ATXN1: variants seen among roughly 807,000 people sequenced by gnomAD.
ATXN1 encodes ataxin 1, also known as ataxin-1.
A neutral mutation model predicts 56.4 loss-of-function variants in ATXN1; 8 were observed. That is an observed-to-expected ratio of 0.14 (90% confidence interval 0.08 to 0.26). The LOEUF (loss-of-function observed/expected upper bound fraction) is 0.26. Among genes scored for constraint, ATXN1 ranks in the 10% least tolerant of loss-of-function variants. The probability of loss-of-function intolerance (pLI) is 1.00; values close to 1 mark genes in which losing one functional copy is unlikely to be tolerated. For synonymous variants in ATXN1, 514 were observed against 494.6 expected, an observed-to-expected ratio of 1.04 and a Z score of -0.52; for missense variants, 987 against 1,106.5, an observed-to-expected ratio of 0.89 and a Z score of 1.53.
chr6:16,663,026 G>T (rs1281185396), intron 2 of ATXN1, among the ~76,000 whole-genome samples: 1 of 138,800 alleles, frequency 7.2e-6, no homozygotes, highest in East Asian at 2.2e-4. Flanking sequence ...AGGCTGTAGT[G>T]CAATGGTGCA....
intron 6 of ATXN1, among the ~76,000 whole-genome samples, chr6:16,426,410 T>C (rs1456882299): frequency 1.3e-5 from 2 of 152,038 alleles, no homozygotes; most frequent in Admixed American, 6.6e-5. Context: ...AAGGAAAATG[T>C]TGATTGGACC....
chr6:16,337,670 T>C (rs1008602006), intron 6 of ATXN1, among the ~76,000 whole-genome samples: 6 of 152,232 alleles, frequency 3.9e-5, no homozygotes, highest in African/African-American at 1.2e-4. Flanking sequence ...TAAAGCGTAG[T>C]GCATTCCAGG....
chr6:16,580,655 A>G (rs1440044210), intron 4 of ATXN1, among the ~76,000 whole-genome samples: 2 of 152,256 alleles, frequency 1.3e-5, no homozygotes, highest in Non-Finnish European at 2.9e-5. Context: ...ACCAGAAATC[A>G]TATTATTTAT....
At chr6:16,567,361 A>ATGT (rs1762248587) in intron 4 of ATXN1, among the ~76,000 whole-genome samples, 1 of 152,224 alleles carries the variant, frequency 6.6e-6, no homozygotes, top group African/African-American at 2.4e-5. Flanking sequence ...GGGAAAGACC[A>ATGT]TTAAACATGA....
intron 3 of ATXN1, among the ~76,000 whole-genome samples, chr6:16,630,201 A>T (rs1295449170): frequency 6.6e-6 from 1 of 152,058 alleles, no homozygotes; most frequent in Non-Finnish European, 1.5e-5. Flanking sequence ...TCACTGATTC[A>T]CCCAACATTC....
At chr6:16,474,866 T>A (rs1044229607) in intron 6 of ATXN1, among the ~76,000 whole-genome samples, 26 of 148,238 alleles carry the variant, frequency 1.8e-4, no homozygotes, top group Non-Finnish European at 2.4e-4. Flanking sequence ...ACACACACAC[T>A]CTCTCTCTCT....
At chr6:16,332,899 T>C (rs1761024077) in intron 6 of ATXN1, among the ~76,000 whole-genome samples, 1 of 152,218 alleles carries the variant, frequency 6.6e-6, no homozygotes, top group Non-Finnish European at 1.5e-5. Flanking sequence ...AAATGCAGAC[T>C]CTCAGGCCCC....
rs565491872 is a variant in ATXN1 at position 16,504,820 on chromosome 6, C to T, written c.-299+17807G>A. On this transcript the variant is annotated intron_variant, in intron 5 of 7. Coordinates refer to ENST00000436367, the MANE Select transcript of ATXN1 (RefSeq NM_001128164.2). ...TAAACCAGTGTTAAGCTGTTCCTGA[C>T]GTGCTTCCTGCACCAACATTCAACC... 3.9e-5 allele frequency among the ~76,000 whole-genome samples: 6 copies of T among 152,268 alleles called. No individual in the cohort carries two copies. In the East Asian group the frequency reaches 7.7e-4, roughly 20 times the overall value.
chr6:16,599,904 A>G (rs1275859409), intron 3 of ATXN1, among the ~76,000 whole-genome samples: 2 of 152,198 alleles, frequency 1.3e-5, no homozygotes, highest in Non-Finnish European at 2.9e-5. Flanking sequence ...TTGGAGGATC[A>G]CTAAATCTAA....
At chr6:16,512,801 G>C (rs1171566066) in intron 5 of ATXN1, among the ~76,000 whole-genome samples, 1 of 152,162 alleles carries the variant, frequency 6.6e-6, no homozygotes, top group African/African-American at 2.4e-5. Context: ...CTTTAAAAGA[G>C]AGACAGGAGA....
At chr6:16,388,524 A>C (rs1306716902) in intron 6 of ATXN1, among the ~76,000 whole-genome samples, 2 of 152,228 alleles carry the variant, frequency 1.3e-5, no homozygotes, top group African/African-American at 4.8e-5. Flanking sequence ...CTGCTACGTC[A>C]AATAAAGTGT....
chr6:16,478,933 C>A (rs1760381248), intron 6 of ATXN1, among the ~76,000 whole-genome samples: 1 of 152,144 alleles, frequency 6.6e-6, no homozygotes, highest in African/African-American at 2.4e-5. Flanking sequence ...GGTCCAGCAG[C>A]GAATTCTGAC....
intron 4 of ATXN1, among the ~76,000 whole-genome samples, chr6:16,535,575 A>G (rs142345723): frequency 6.6e-6 from 1 of 152,352 alleles, no homozygotes; most frequent in East Asian, 1.9e-4. Flanking sequence ...TGATATAAAT[A>G]AATTTTAAAA....
chr6:16,325,988 C>G (rs1240494221), intron 7 of ATXN1, among the ~76,000 whole-genome samples: 1 of 152,238 alleles, frequency 6.6e-6, no homozygotes, highest in Non-Finnish European at 1.5e-5. Context: ...GCTTTAGCAT[C>G]TAATCCCCTC....
At chr6:16,589,164 G>A (rs1376386819) in intron 3 of ATXN1, among the ~76,000 whole-genome samples, 1 of 152,038 alleles carries the variant, frequency 6.6e-6, no homozygotes, top group African/African-American at 2.4e-5. Flanking sequence ...CACCTTCTGG[G>A]AAGTGGGGGC....
chr6:16,536,361 G>A (rs924594535), intron 4 of ATXN1, among the ~76,000 whole-genome samples: 1 of 152,204 alleles, frequency 6.6e-6, no homozygotes, highest in African/African-American at 2.4e-5. Flanking sequence ...TGGACTGCAG[G>A]ATGGACAGAT....
At chr6:16,647,179 A>AT (rs1561792487) in intron 3 of ATXN1, among the ~76,000 whole-genome samples, 2 of 151,984 alleles carry the variant, frequency 1.3e-5, no homozygotes, top group Non-Finnish European at 2.9e-5. Flanking sequence ...TAATTTTTAT[A>AT]TTTTTAGTAG....
chr6:16,671,942 T>C (rs7758530), intron 2 of ATXN1, among the ~76,000 whole-genome samples: 20,544 of 152,228 alleles, frequency 0.13, 2,628 homozygotes, highest in African/African-American at 0.33. Context: ...ATGATTAAAA[T>C]GTACCTTTGT....
chr6:16,342,450 G>A (rs571688196), intron 6 of ATXN1, among the ~76,000 whole-genome samples: 4 of 152,196 alleles, frequency 2.6e-5, no homozygotes, highest in African/African-American at 7.2e-5. Flanking sequence ...CAGCTGCATG[G>A]AAAACATTTT....
Sources: gnomAD v4.1 joint callset for allele counts (sites outside exome capture counted in the v4.1 genomes callset) on GRCh38, gnomAD v4.1.1 for gene constraint, MANE v1.5 for transcripts, NCBI Gene and HGNC (gene_info 2026-07-23, HGNC 2026-07-21) for gene names.